The following PALM2AKAP2 variants were observed in gnomAD, a reference collection of about 807,000 sequenced individuals.
PALM2AKAP2 encodes the protein PALM2 and AKAP2 fusion.
Under a neutral mutation model 71.5 loss-of-function variants are expected in PALM2AKAP2, and 37 were observed. That is an observed-to-expected ratio of 0.52 (90% CI 0.40 to 0.68). The LOEUF is 0.68. PALM2AKAP2 is among the 30% of genes least tolerant of loss of function. The probability of loss-of-function intolerance (pLI) is 0.00; values close to 1 mark genes in which losing one functional copy is unlikely to be tolerated. For synonymous variants in PALM2AKAP2, 468 were observed against 478.8 expected (o/e 0.98, Z 0.29); for missense variants, 1,224 against 1,191.8 (o/e 1.03, Z -0.40).
At chr9:110,128,021 G>A (rs934384712) in intron 1 of PALM2AKAP2, 8 of 152,238 alleles carry the variant, frequency 5.3e-5, no homozygotes, top group Non-Finnish European at 1.0e-4. Flanking sequence ...AGGTAGTGTT[G>A]ACCTGTTCAA....
intron 1 of PALM2AKAP2, among the ~76,000 whole-genome samples, chr9:109,693,351 C>G (rs1298817319): frequency 6.6e-6 from 1 of 151,900 alleles, no homozygotes; most frequent in Non-Finnish European, 1.5e-5. Context: ...TTTGTCTGCT[C>G]TTTTCTGATC....
intron 1 of PALM2AKAP2, among the ~76,000 whole-genome samples, chr9:110,068,512 C>CTT (rs34521649): frequency 7.1e-6 from 1 of 141,510 alleles, no homozygotes; most frequent in African/African-American, 2.9e-5. Flanking sequence ...AAAATTGGAG[C>CTT]TTTTTTAAAA....
At chr9:109,978,892 C>G (rs1445378978) in intron 6 of PALM2AKAP2, among the ~76,000 whole-genome samples, 1 of 152,142 alleles carries the variant, frequency 6.6e-6, no homozygotes, top group African/African-American at 2.4e-5. Flanking sequence ...TCTGACTGAG[C>G]TGGCAGATGT....
chr9:109,870,952 AGAGT>A (rs1481053578), intron 2 of PALM2AKAP2, among the ~76,000 whole-genome samples: 8 of 152,220 alleles, frequency 5.3e-5, no homozygotes, highest in Non-Finnish European at 1.2e-4. Flanking sequence ...TCCTTGCATT[AGAGT>A]TAGTTGTCAT....
At chr9:109,983,886 GA>G (rs953969979) in intron 6 of PALM2AKAP2, among the ~76,000 whole-genome samples, 6 of 150,448 alleles carry the variant, frequency 4.0e-5, no homozygotes, top group South Asian at 2.1e-4. Flanking sequence ...GAAAAGAAAA[GA>G]AAAAAAAATT....
intron 3 of PALM2AKAP2, among the ~76,000 whole-genome samples, chr9:109,884,538 G>A (rs1829924647): frequency 6.6e-6 from 1 of 152,206 alleles, no homozygotes; most frequent in Admixed American, 6.5e-5. Context: ...GAGAGTAAGA[G>A]AGAATATGAG....
chr9:109,751,053 A>G (rs1828880724), intron 1 of PALM2AKAP2, among the ~76,000 whole-genome samples: 1 of 152,186 alleles, frequency 6.6e-6, no homozygotes, highest in East Asian at 1.9e-4. Flanking sequence ...TGCGATGTCC[A>G]TGTGAGTCTT....
intron 1 of PALM2AKAP2, among the ~76,000 whole-genome samples, chr9:109,697,455 C>A (rs2118566948): frequency 6.6e-6 from 1 of 152,128 alleles, no homozygotes; most frequent in Middle Eastern, 3.4e-3. Flanking sequence ...CTTTTTCTAC[C>A]TTTTAAATAT....
chr9:109,822,317 A>ATC (rs1828032817), intron 1 of PALM2AKAP2, among the ~76,000 whole-genome samples: 1 of 150,650 alleles, frequency 6.6e-6, no homozygotes, highest in African/African-American at 2.4e-5. Flanking sequence ...CTATCCATCC[A>ATC]TCTCTCTTTC....
intron 3 of PALM2AKAP2, among the ~76,000 whole-genome samples, chr9:109,922,144 G>A (rs962280250): frequency 6.6e-5 from 10 of 152,032 alleles, no homozygotes; most frequent in African/African-American, 9.7e-5. Flanking sequence ...AGAGGGCCAG[G>A]CACGGTGGCT....
At chr9:109,824,190 A>C (rs1471353332) in intron 1 of PALM2AKAP2, among the ~76,000 whole-genome samples, 1 of 152,172 alleles carries the variant, frequency 6.6e-6, no homozygotes, top group Non-Finnish European at 1.5e-5. Context: ...TGCCCAGCTG[A>C]AGCACACTTT....
At chr9:109,689,189 TTTTTTCTTTTC>T (rs1293251364) in intron 1 of PALM2AKAP2, among the ~76,000 whole-genome samples, 57 of 123,570 alleles carry the variant, frequency 4.6e-4, no homozygotes, top group African/African-American at 1.7e-3. Flanking sequence ...CAATACCTTC[TTTTTTCTTTTC>T]TTTTTTTTTT....
chr9:109,757,755 G>T (rs574152337), intron 1 of PALM2AKAP2, among the ~76,000 whole-genome samples: 4 of 151,718 alleles, frequency 2.6e-5, no homozygotes, highest in African/African-American at 9.7e-5. Flanking sequence ...ACATGCCAAG[G>T]TTCACCAAAA....
intron 1 of PALM2AKAP2, among the ~76,000 whole-genome samples, chr9:109,716,182 T>C (rs1476529665): frequency 1.3e-5 from 2 of 152,236 alleles, no homozygotes; most frequent in African/African-American, 2.4e-5. Context: ...TGGGGTTTTA[T>C]GTGGTAACTC....
At chr9:109,853,775 C>T (rs773150847) in intron 1 of PALM2AKAP2, among the ~76,000 whole-genome samples, 8 of 152,214 alleles carry the variant, frequency 5.3e-5, no homozygotes, top group Non-Finnish European at 8.8e-5. Flanking sequence ...TCAGTTTCCC[C>T]TCACTATACT....
At chr9:109,958,668 G>A (rs1831793547) in intron 6 of PALM2AKAP2, among the ~76,000 whole-genome samples, 1 of 152,060 alleles carries the variant, frequency 6.6e-6, no homozygotes, top group Admixed American at 6.6e-5. Context: ...AGGAAGAAAG[G>A]AAGGATGAAA....
chr9:109,880,079 G>T (rs1021634644), intron 2 of PALM2AKAP2, among the ~76,000 whole-genome samples: 2 of 152,214 alleles, frequency 1.3e-5, no homozygotes, highest in African/African-American at 4.8e-5. Flanking sequence ...CATTGAAGAA[G>T]AGTCTTGACA....
At chr9:110,030,418 A>T (rs985750480) in intron 7 of PALM2AKAP2, among the ~76,000 whole-genome samples, 1 of 152,206 alleles carries the variant, frequency 6.6e-6, no homozygotes, top group African/African-American at 2.4e-5. Flanking sequence ...GGAGGGTAAG[A>T]TTTTAGGTAG....
chr9:109,837,698 T>C (rs1450454347), intron 1 of PALM2AKAP2, among the ~76,000 whole-genome samples: 1 of 151,366 alleles, frequency 6.6e-6, no homozygotes, highest in South Asian at 2.1e-4. Flanking sequence ...ACCAAGGAAA[T>C]GGAAAACAAA....
Sources: allele counts gnomAD v4.1 joint callset (sites outside exome capture counted in the v4.1 genomes callset), GRCh38; gene constraint gnomAD v4.1.1; transcripts MANE v1.5; gene names NCBI Gene and HGNC (gene_info 2026-07-23, HGNC 2026-07-21).